Variants in TBL1XR1 observed in about 807,000 individuals in gnomAD.
The protein encoded by TBL1XR1 is TBL1X/Y related 1, also known as F-box-like/WD repeat-containing protein TBL1XR1.
A neutral mutation model predicts 66.9 loss-of-function variants in TBL1XR1; 5 were observed. The observed-to-expected ratio is 0.07, with a 90% CI of 0.04 to 0.16. The LOEUF is 0.16. Among genes scored for constraint, TBL1XR1 ranks in the 10% least tolerant of loss-of-function variants. The probability of loss-of-function intolerance (pLI) is 1.00; values close to 1 mark genes in which losing one functional copy is unlikely to be tolerated. For synonymous variants in TBL1XR1, 210 were observed against 206.0 expected (o/e 1.02, Z -0.17); for missense variants, 238 against 623.2 (o/e 0.38, Z 6.58).
At chr3:177,029,232 C>T (rs1034972926) in intron 14 of TBL1XR1, among the ~76,000 whole-genome samples, 1 of 152,036 alleles carries the variant, frequency 6.6e-6, no homozygotes, top group African/African-American at 2.4e-5. Flanking sequence ...GCTGAGGAGT[C>T]CAGCCTGGGT....
intron 2 of TBL1XR1, among the ~76,000 whole-genome samples, chr3:177,074,043 T>G (rs1321011510): frequency 6.6e-6 from 1 of 152,216 alleles, no homozygotes; most frequent in African/African-American, 2.4e-5. Context: ...TCTTTGGTAC[T>G]GGAGAATTGA....
intron 3 of TBL1XR1, among the ~76,000 whole-genome samples, chr3:177,060,696 G>C (rs1204333743): frequency 6.6e-6 from 1 of 152,196 alleles, no homozygotes; most frequent in Non-Finnish European, 1.5e-5. Context: ...TGACGCAAAA[G>C]GTGGGGGAGA....
intron 6 of TBL1XR1, 125 bp downstream of exon 6, chr3:177,050,352 TA>T: frequency 1.5e-6 from 2 of 1,327,256 alleles, no homozygotes; most frequent in Non-Finnish European, 2.0e-6. Flanking sequence ...CATGAAGGAA[TA>T]AAAAATTTAC....
At chr3:177,133,700 G>A (rs1049510446) in intron 1 of TBL1XR1, among the ~76,000 whole-genome samples, 19 of 151,770 alleles carry the variant, frequency 1.3e-4, no homozygotes, top group Admixed American at 6.6e-5. Context: ...TCAGGAGTTC[G>A]AGACCAGCCT....
chr3:177,059,120 G>A (rs924015401), intron 3 of TBL1XR1, among the ~76,000 whole-genome samples: 8 of 152,128 alleles, frequency 5.3e-5, no homozygotes, highest in Admixed American at 1.3e-4. Context: ...GACTGAAGGC[G>A]GACATACCAG....
intron 2 of TBL1XR1, among the ~76,000 whole-genome samples, chr3:177,072,730 T>C (rs977020588): frequency 6.6e-6 from 1 of 152,168 alleles, no homozygotes; most frequent in Non-Finnish European, 1.5e-5. Context: ...AATGACAATA[T>C]AGTTATTCAG....
At chr3:177,187,643 GAAC>G (rs1735586880) in intron 1 of TBL1XR1, among the ~76,000 whole-genome samples, 1 of 151,802 alleles carries the variant, frequency 6.6e-6, no homozygotes, top group Non-Finnish European at 1.5e-5. Context: ...TGCAAACTAA[GAAC>G]AAAAAACAAA....
chr3:177,166,221 CTAAAAA>C (rs1732802447), intron 1 of TBL1XR1, among the ~76,000 whole-genome samples: 1 of 151,870 alleles, frequency 6.6e-6, no homozygotes, highest in African/African-American at 2.4e-5. Flanking sequence ...ACTCCCATCT[CTAAAAA>C]TAATAACAAT....
chr3:177,152,636 T>C (rs181908214), intron 1 of TBL1XR1, among the ~76,000 whole-genome samples: 12 of 152,320 alleles, frequency 7.9e-5, no homozygotes, highest in Admixed American at 5.9e-4. Context: ...GTCATCTGTA[T>C]TTCCTCACTA....
At chr3:177,107,685 G>T (rs1234638974) in intron 1 of TBL1XR1, among the ~76,000 whole-genome samples, 3 of 152,038 alleles carry the variant, frequency 2.0e-5, no homozygotes, top group Non-Finnish European at 4.4e-5. Context: ...CACACACATA[G>T]ATACACCATC....
chr3:177,096,270 G>A (rs1437523253), intron 2 of TBL1XR1, among the ~76,000 whole-genome samples: 1 of 151,852 alleles, frequency 6.6e-6, no homozygotes, highest in Non-Finnish European at 1.5e-5. Context: ...TCCTTAGCTA[G>A]ACTGTAAGCA....
intron 2 of TBL1XR1, among the ~76,000 whole-genome samples, chr3:177,092,471 C>T (rs1017515063): frequency 6.6e-6 from 1 of 152,050 alleles, no homozygotes; most frequent in African/African-American, 2.4e-5. Flanking sequence ...CATAACTATA[C>T]ACAGTAACCA....
chr3:177,167,587 C>T (rs1455697961), intron 1 of TBL1XR1, among the ~76,000 whole-genome samples: 2 of 152,182 alleles, frequency 1.3e-5, no homozygotes, highest in Non-Finnish European at 2.9e-5. Flanking sequence ...TGGAAAACCT[C>T]TGTGTCTTTC....
In TBL1XR1 at chr3:177,107,093, C is replaced by A. The variant is rs185487242; in HGVS notation, c.-121-8552G>T. Among the ~76,000 whole-genome samples, 834 of 151,952 alleles carry A rather than the reference C, an allele frequency of 5.5e-3. 3 individuals are homozygous for A. Among genetic ancestry groups the A allele is most frequent in the Admixed American group, 9.9e-3 (151 of 15,268 alleles). On this transcript the variant is annotated intron_variant, in intron 1 of 15. Transcript: ENST00000457928. ...TCAATTTTTACTTTGTAATAGAATG[C>A]AATAGGCCTCTTTAAAAAAAAAATT...
intron 1 of TBL1XR1, among the ~76,000 whole-genome samples, chr3:177,121,305 A>G (rs1341232446): frequency 6.6e-6 from 1 of 152,234 alleles, no homozygotes; most frequent in African/African-American, 2.4e-5. Flanking sequence ...ACATATGCAG[A>G]TAACTGTTGA....
At chr3:177,105,393 A>C (rs1724755467) in intron 1 of TBL1XR1, among the ~76,000 whole-genome samples, 1 of 152,168 alleles carries the variant, frequency 6.6e-6, no homozygotes, top group African/African-American at 2.4e-5. Flanking sequence ...AGCAACGAAG[A>C]TCTAAGAAAT....
chr3:177,067,247 G>A (rs1358811363), intron 2 of TBL1XR1, among the ~76,000 whole-genome samples: 1 of 152,216 alleles, frequency 6.6e-6, no homozygotes, highest in Non-Finnish European at 1.5e-5. Flanking sequence ...TCATGAATAT[G>A]TTTGTCACGG....
chr3:177,059,397 C>T (rs571853643), intron 3 of TBL1XR1, among the ~76,000 whole-genome samples: 76 of 152,282 alleles, frequency 5.0e-4, no homozygotes, highest in African/African-American at 1.8e-3. Flanking sequence ...CATGGTAGTA[C>T]AGGTCAGAGC....
Position 177,025,291 on chromosome 3 carries a change from G to T in TBL1XR1, c.*207C>A. On this transcript the variant is annotated 3_prime_UTR_variant, in exon 16 of 16. Transcript: ENST00000457928. ...ACAGCAGATTAGATTCCAGCACTTG[G>T]TGAACAGAATTCACAAGCTGTGACA... 2.2e-6 allele frequency: 1 copy of T among 455,608 alleles called. No homozygotes were observed. The allele number at this position is 455,608 out of a possible 1,614,324, so 28.2% of individuals were successfully genotyped here.
Sources: gnomAD v4.1 joint callset for allele counts (sites outside exome capture counted in the v4.1 genomes callset) on GRCh38, gnomAD v4.1.1 for gene constraint, MANE v1.5 for transcripts, NCBI Gene and HGNC (gene_info 2026-07-23, HGNC 2026-07-21) for gene names.